PHIP: variants seen among roughly 807,000 people sequenced by gnomAD.
PHIP encodes the protein PHIP subunit of CUL4-Ring ligase complex.
Under a neutral mutation model 236.8 loss-of-function variants are expected in PHIP, and 54 were observed. That is an observed-to-expected ratio of 0.23 (90% CI 0.18 to 0.29). The LOEUF is 0.29. Ranked by LOEUF, PHIP falls within the 10% of genes least tolerant of loss-of-function variation. The probability of loss-of-function intolerance (pLI) is 1.00; values close to 1 mark genes in which losing one functional copy is unlikely to be tolerated. For missense variants in PHIP, 1,370 were observed against 2,190.8 expected (o/e 0.63, Z 7.48); for synonymous variants, 756 against 718.9 (o/e 1.05, Z -0.83).
At chr6:78,974,756 T>C (rs1377014705) in intron 24 of PHIP, among the ~76,000 whole-genome samples, 1 of 151,780 alleles carries the variant, frequency 6.6e-6, no homozygotes, top group African/African-American at 2.4e-5. Context: ...TCTACGCAAA[T>C]AAACTAGAAA....
intron 19 of PHIP, 75 bp from the exon 20 acceptor site, chr6:78,991,060 AG>A (rs1224456332): frequency 1.2e-6 from 1 of 850,044 alleles, no homozygotes; most frequent in Non-Finnish European, 1.9e-6. Flanking sequence ...GTTAGGTATC[AG>A]GAAAGGAACG....
intron 39 of PHIP, 36 bp from the exon 40 acceptor site, chr6:78,941,366 T>C (rs1474478257): frequency 1.3e-6 from 2 of 1,525,698 alleles, no homozygotes; most frequent in Non-Finnish European, 1.8e-6. Context: ...ATATATGGAG[T>C]TTCTTTTTTT....
intron 12 of PHIP, among the ~76,000 whole-genome samples, chr6:79,017,001 A>G (rs1324634726): frequency 6.6e-6 from 1 of 151,972 alleles, no homozygotes; most frequent in Non-Finnish European, 1.5e-5. Flanking sequence ...AGAACATGGG[A>G]AAATTTATAC....
chr6:79,032,156 T>G (rs80294701), intron 7 of PHIP, among the ~76,000 whole-genome samples: 2,955 of 152,350 alleles, frequency 0.019, 87 homozygotes, highest in African/African-American at 0.067. Context: ...AAAATGCTAA[T>G]TATCTGAAAC....
intron 24 of PHIP, among the ~76,000 whole-genome samples, chr6:78,971,621 T>C (rs1455492545): frequency 6.6e-6 from 1 of 151,906 alleles, no homozygotes; most frequent in Non-Finnish European, 1.5e-5. Context: ...AGGTAACGGG[T>C]TCATCTCACT....
intron 39 of PHIP, among the ~76,000 whole-genome samples, chr6:78,943,317 C>T (rs980886599): frequency 6.6e-6 from 1 of 151,996 alleles, no homozygotes; most frequent in South Asian, 2.1e-4. Flanking sequence ...TACCAGTACT[C>T]GAGTATTTGT....
At chr6:78,993,845 G>A (rs1348802271) in intron 19 of PHIP, among the ~76,000 whole-genome samples, 1 of 152,172 alleles carries the variant, frequency 6.6e-6, no homozygotes, top group Non-Finnish European at 1.5e-5. Context: ...CTATTTTCAA[G>A]TCTTTTTATT....
rs143723555 is a variant in PHIP at position 78,949,977 on chromosome 6, C to T, written c.4054-2202G>A. 7.4e-4 allele frequency among the ~76,000 whole-genome samples: 113 copies of T among 152,274 alleles called. 1 individual carries two copies. The highest frequency in any genetic ancestry group is 2.7e-3 in the African/African-American group (111 of 41,514). On this transcript the variant is annotated intron_variant, in intron 35 of 39. Coordinates refer to ENST00000275034, the MANE Select transcript of PHIP (RefSeq NM_017934.7). ...GTGCTGGGATTACAGGTGTGAGCCA[C>T]CATGCTTGGCCTGGGACTCGAGTAT...
intron 6 of PHIP, among the ~76,000 whole-genome samples, chr6:79,043,940 T>C (rs1256417652): frequency 6.6e-6 from 1 of 151,856 alleles, no homozygotes; most frequent in African/African-American, 2.4e-5. Context: ...AAAATACTAC[T>C]TAGCCAAGGT....
At chr6:78,970,683 G>C in intron 25 of PHIP, 98 bp downstream of exon 25, 1 of 724,768 alleles carries the variant, frequency 1.4e-6, no homozygotes, top group Non-Finnish European at 2.3e-6. Flanking sequence ...TCTTCATGAT[G>C]CAGTTTCTTA....
chr6:79,041,909 G>A (rs1419353023), intron 7 of PHIP, among the ~76,000 whole-genome samples: 2 of 151,968 alleles, frequency 1.3e-5, no homozygotes, highest in Non-Finnish European at 2.9e-5. Flanking sequence ...TAGAGGAGAA[G>A]TAGTAGGTAT....
At position 79,060,503 on chromosome 6, in the gene PHIP, A is replaced by T. The variant is rs566185845; in HGVS notation, c.414T>A (p.Val138=). Residue 138 remains valine, a synonymous_variant, in exon 6 of 40, where the codon GTT becomes GTA. Transcript: ENST00000275034. ...CAATGCTGGGTGGGCTACCATAGTT[A>T]ACTGGTGACTCAGGTGGTCTTCCAC... ...LHCGRPPESP[V]NYGSPPSIAD... is the part of the protein sequence containing the mutation. The T allele has an allele frequency of 5.0e-5, 81 of 1,613,586 alleles. No homozygotes were observed. The Middle Eastern group carries it at 1.2e-3, about 23-fold the overall frequency.
At chr6:79,035,979 C>G (rs1771910899) in intron 7 of PHIP, among the ~76,000 whole-genome samples, 1 of 152,128 alleles carries the variant, frequency 6.6e-6, no homozygotes, top group Admixed American at 6.5e-5. Flanking sequence ...TCAATCTAAC[C>G]ATCACTTGCT....
In PHIP at chr6:79,077,704, T is replaced by C; in HGVS notation, c.125A>G (p.Lys42Arg). ...AQVLIREVAEKELLPRRTDWT... is the reference protein window; with the variant it reads ...AQVLIREVAERELLPRRTDWT... ...CCGGGCCGCCGCCGCCCTTACCTCC[T>C]TCTCGGCCACCTCGCGGATCAGCAC... The change falls in exon 3 of 40, where the codon AAG (lysine) becomes AGG (arginine). Residue 42 changes from lysine (K) to arginine (R), a missense_variant. Physicochemically the swap from Lys to Arg is conservative, Grantham distance 26 (BLOSUM62 2). This residue lies in a region of PHIP where 43 missense variants were observed against 53.8 expected (regional missense o/e 0.80). Transcript: ENST00000275034. 1 of 1,002,456 alleles carries C rather than the reference T, an allele frequency of 1.0e-6. No individual in the cohort carries two copies. Among genetic ancestry groups the C allele is most frequent in the Non-Finnish European group, 1.2e-6 (1 of 843,452 alleles). The allele number at this position is 1,002,456 out of a possible 1,614,324, so 62.1% of individuals were successfully genotyped here.
chr6:78,941,459 G>GA (rs1264814537), intron 39 of PHIP, 129 bp from the exon 40 acceptor site: 1 of 572,082 alleles, frequency 1.7e-6, no homozygotes, highest in Non-Finnish European at 3.0e-6. Context: ...ATTAAAATGA[G>GA]AAAAAAGAAC....
At position 78,938,219 on chromosome 6, in the gene PHIP, T is replaced by C. The variant is rs1250458981; in HGVS notation, c.*2474A>G. On this transcript the variant is annotated 3_prime_UTR_variant, in exon 40 of 40. Coordinates refer to ENST00000275034, the MANE Select transcript of PHIP (RefSeq NM_017934.7). Reference sequence around the variant, plus strand: ...TTACAAAGAATCTGATCCAAGTTACTGTGCTTTACTAAGAAACCAGTGTCT... The same window carrying C: ...TTACAAAGAATCTGATCCAAGTTACCGTGCTTTACTAAGAAACCAGTGTCT... The C allele has an allele frequency of 6.6e-6, 1 of 151,708 alleles. No homozygotes were observed. The highest frequency in any genetic ancestry group is 1.5e-5 in the Non-Finnish European group (1 of 67,624). The allele number at this position is 151,708 out of a possible 1,614,324, so 9.4% of individuals were successfully genotyped here.
rs189083390 is a variant in PHIP, at chr6:78,951,336, A to T, written c.4053+3478T>A. On this transcript the variant is annotated intron_variant, in intron 35 of 39. Coordinates refer to ENST00000275034, the MANE Select transcript of PHIP (RefSeq NM_017934.7). ...TGCTCAATACAATTCTGTTGAATAA[A>T]TGAACGTTGTAGAATATTAAGCCCA... Among the ~76,000 whole-genome samples the T allele has an allele frequency of 2.4e-3, 359 of 152,298 alleles. 3 individuals carry two copies. The highest frequency in any genetic ancestry group is 7.6e-3 in the African/African-American group (316 of 41,578).
At chr6:78,955,030 G>T in intron 34 of PHIP, 67 bp from the exon 35 acceptor site, 2 of 1,168,514 alleles carry the variant, frequency 1.7e-6, no homozygotes, top group Non-Finnish European at 2.4e-6. Context: ...TACTTTTAAT[G>T]TAGTCTTAGA....
intron 24 of PHIP, among the ~76,000 whole-genome samples, chr6:78,971,163 A>C (rs1214345593): frequency 6.6e-6 from 1 of 152,258 alleles, no homozygotes; most frequent in African/African-American, 2.4e-5. Context: ...AAAATAAGTT[A>C]ATCTATGTTG....
Sources: allele counts gnomAD v4.1 joint callset (sites outside exome capture counted in the v4.1 genomes callset), GRCh38; gene constraint gnomAD v4.1.1; regional missense constraint gnomAD v4.1.1; transcripts MANE v1.5; gene names NCBI Gene and HGNC (gene_info 2026-07-23, HGNC 2026-07-21).